The following PCDHGA12 variants were observed in gnomAD, a reference collection of about 807,000 sequenced individuals.
The protein encoded by PCDHGA12 is protocadherin gamma subfamily A, 12.
Under a neutral mutation model 61.1 loss-of-function variants are expected in PCDHGA12, and 43 were observed. That is an observed-to-expected ratio of 0.70 (90% CI 0.55 to 0.91). The LOEUF (loss-of-function observed/expected upper bound fraction) is 0.91, where lower values mean the gene tolerates loss of function less well. PCDHGA12 is among the 40% of genes least tolerant of loss of function. PCDHGA12 has a pLI of 0.00. For synonymous variants in PCDHGA12, 520 were observed against 542.9 expected, an observed-to-expected ratio of 0.96 and a Z score of 0.59; for missense variants, 1,236 against 1,227.7, an observed-to-expected ratio of 1.01 and a Z score of -0.10.
chr5:141,447,389 C>T (rs1467715872), intron 1 of PCDHGA12, among the ~76,000 whole-genome samples: 1 of 152,150 alleles, frequency 6.6e-6, no homozygotes, highest in African/African-American at 2.4e-5. Context: ...CTGCCCACCT[C>T]GGCCTCCCAA....
intron 3 of PCDHGA12, among the ~76,000 whole-genome samples, chr5:141,509,068 G>A (rs1267011061): frequency 6.6e-6 from 1 of 152,144 alleles, no homozygotes; most frequent in Non-Finnish European, 1.5e-5. Flanking sequence ...TCTCAGCTCC[G>A]GGGATTTGCG....
intron 1 of PCDHGA12, among the ~76,000 whole-genome samples, chr5:141,438,793 C>T (rs982191766): frequency 2.7e-5 from 4 of 149,544 alleles, no homozygotes; most frequent in African/African-American, 7.4e-5. Context: ...TCTCCAGTAG[C>T]TGGGATTACA....
chr5:141,462,388 C>T (rs529638718), intron 1 of PCDHGA12, among the ~76,000 whole-genome samples: 86 of 152,204 alleles, frequency 5.7e-4, no homozygotes, highest in Non-Finnish European at 9.4e-4. Context: ...AATTCGTTAA[C>T]ATTTCTTTTA....
Position 141,440,827 on chromosome 5 carries a change from A to G in PCDHGA12, c.2424+7644A>G, listed in dbSNP as rs570022849. 7 of 152,196 alleles carry G rather than the reference A, an allele frequency of 4.6e-5. 1 individual carries two copies. The highest frequency in any genetic ancestry group is 1.4e-4 in the African/African-American group (6 of 41,526). 9.4% of individuals were successfully genotyped at this position (152,196 alleles called of 1,614,324 possible). A position where few individuals can be genotyped will look rare whatever the true frequency, so the allele number is the denominator to read the frequency against. ...GCAGCATCACTCAACTCCTGATCCT[A>G]TTGGTTGAAGCCAATGACAACCCTG... On this transcript the variant is annotated intron_variant, in intron 1 of 3. Transcript: ENST00000252085.
rs1184232947 is a variant in PCDHGA12 at position 141,487,060 on chromosome 5, G to T, written c.2425-7747G>T. ...TCTCTCGATATGCTGGGGAGGTGCG[G>T]ACGGCTGTTCCTATCCCAGCTGACC... On this transcript the variant is annotated intron_variant, in intron 1 of 3. Transcript: ENST00000252085. This position sits in a 1 kb window ranked among gnomAD's most constrained non-coding sequence, Gnocchi z 5.0. The T allele has an allele frequency of 1.9e-6, 3 of 1,614,182 alleles. No individual in the cohort carries two copies. In the East Asian group the frequency reaches 6.7e-5, roughly 36 times the overall value.
In PCDHGA12 at chr5:141,511,007, G is replaced by C. The variant is rs780918754; in HGVS notation, c.2633G>C (p.Arg878Pro). Residue 878 changes from arginine to proline, a missense_variant, in exon 4 of 4, where the codon CGC (arginine) becomes CCC (proline). Physicochemically the swap from Arg to Pro is moderately radical, Grantham distance 103. Coordinates refer to ENST00000252085, the MANE Select transcript of PCDHGA12 (RefSeq NM_003735.3). Reference protein sequence around the residue: ...GGAGTMGLSARYGPQFTLQHV... With the variant: ...GGAGTMGLSAPYGPQFTLQHV... ...GCCGGCACCATGGGATTGAGCGCCC[G>C]CTACGGACCCCAGTTCACCCTGCAG... The C allele has an allele frequency of 1.9e-6, 3 of 1,614,042 alleles. No homozygotes were observed. The highest frequency in any genetic ancestry group is 2.7e-5 in the African/African-American group (2 of 74,910).
At chr5:141,440,770 G>A (rs2098199385) in intron 1 of PCDHGA12, 1 of 152,176 alleles carries the variant, frequency 6.6e-6, no homozygotes, top group African/African-American at 2.4e-5. Flanking sequence ...CCATCCCTTA[G>A]TGCTAGCAGC....
intron 1 of PCDHGA12, among the ~76,000 whole-genome samples, chr5:141,456,808 C>CA (rs1316636483): frequency 6.6e-5 from 10 of 151,878 alleles, no homozygotes; most frequent in Admixed American, 6.6e-4. Flanking sequence ...ACTAAAAATA[C>CA]AAAAAATTAG....
At chr5:141,445,805 A>G (rs2098478274) in intron 1 of PCDHGA12, among the ~76,000 whole-genome samples, 2 of 152,236 alleles carry the variant, frequency 1.3e-5, no homozygotes, top group South Asian at 4.1e-4. Flanking sequence ...GAAAATAAAT[A>G]GATGAAACTA....
chr5:141,504,937 G>A (rs1350441435), intron 2 of PCDHGA12, among the ~76,000 whole-genome samples: 2 of 152,054 alleles, frequency 1.3e-5, no homozygotes, highest in East Asian at 1.9e-4. Context: ...GGTGGGTGGG[G>A]GAATGCACTA....
At position 141,431,387 on chromosome 5, in the gene PCDHGA12, C is replaced by T; in HGVS notation, c.628C>T (p.Leu210=). The T allele has an allele frequency of 1.9e-6, 3 of 1,613,938 alleles. 1 individual carries two copies. The South Asian group carries it at 3.3e-5, about 18-fold the overall frequency. The part of the protein sequence containing the change: ...LDREEKAAHH[L]VLTASDGGDP... Reference sequence around the variant, plus strand: ...CCGCGAAGAAAAGGCTGCTCACCACCTGGTCCTTACGGCCTCCGACGGGGG... The same window carrying T: ...CCGCGAAGAAAAGGCTGCTCACCACTTGGTCCTTACGGCCTCCGACGGGGG... The change falls in exon 1 of 4, where the codon CTG becomes TTG. Residue 210 remains leucine (L), a synonymous_variant. Coordinates refer to ENST00000252085, the MANE Select transcript of PCDHGA12 (RefSeq NM_003735.3). This position sits in a 1 kb window ranked among gnomAD's most constrained non-coding sequence, Gnocchi z 4.8.
intron 1 of PCDHGA12, chr5:141,478,825 T>G: frequency 1.4e-6 from 2 of 1,441,878 alleles, no homozygotes; most frequent in East Asian, 5.0e-5. Context: ...TAACCAATCT[T>G]GCTAAGGGAT....
intron 1 of PCDHGA12, among the ~76,000 whole-genome samples, chr5:141,462,763 G>A (rs935087747): frequency 2.6e-5 from 4 of 152,036 alleles, no homozygotes; most frequent in Non-Finnish European, 4.4e-5. Context: ...TTTTCTTCCT[G>A]GCTTGGGGTC....
Position 141,432,016 on chromosome 5 carries a change from C to T in PCDHGA12, c.1257C>T (p.Asn419=), listed in dbSNP as rs771650925. The T allele has an allele frequency of 1.2e-6, 2 of 1,614,202 alleles. No homozygotes were observed. The highest frequency in any genetic ancestry group is 3.3e-5 in the Admixed American group (2 of 60,030). Residue 419 remains asparagine (N), a synonymous_variant, in exon 1 of 4, where the codon AAC becomes AAT. Coordinates refer to ENST00000252085, the MANE Select transcript of PCDHGA12 (RefSeq NM_003735.3). This position sits in a 1 kb window ranked among gnomAD's most constrained non-coding sequence, Gnocchi z 6.0. ...VLDREQVPSY[N]ITVTATDRGT... ...ATAGGGAACAGGTTCCTAGCTACAA[C>T]ATCACAGTGACCGCCACTGACCGGG...
At chr5:141,448,573 A>AT (rs976781630) in intron 1 of PCDHGA12, among the ~76,000 whole-genome samples, 10 of 151,772 alleles carry the variant, frequency 6.6e-5, no homozygotes, top group East Asian at 5.8e-4. Flanking sequence ...TTATTTCCCC[A>AT]TTTTTTTTAC....
Position 141,436,164 on chromosome 5 carries a change from A to G in PCDHGA12, c.2424+2981A>G, listed in dbSNP as rs896845015. Among the ~76,000 whole-genome samples, 8 of 152,188 alleles carry G rather than the reference A, an allele frequency of 5.3e-5. No homozygotes were observed. The East Asian group carries it at 1.3e-3, about 26-fold the overall frequency. ...AACTACCAAAATGTTTATCATATGG[A>G]CAGTTCTCATATATAGTCAAATAGA... On this transcript the variant is annotated intron_variant, in intron 1 of 3. Transcript: ENST00000252085.
rs2154594699 is a variant in PCDHGA12 at position 141,512,507 on chromosome 5, C to T, written c.*1334C>T. 6.5e-6 allele frequency: 1 copy of T among 153,048 alleles called. No individual in the cohort carries two copies. Among genetic ancestry groups the T allele is most frequent in the South Asian group, 2.1e-4 (1 of 4,836 alleles). 9.5% of individuals were successfully genotyped at this position (153,048 alleles called of 1,614,324 possible). ...CACTGCCCAGGTCCCCAGTGCGCCCCCTAGTGGCCATAGCCTGGTTAAAGT... is the reference window on the plus strand; with the variant it reads ...CACTGCCCAGGTCCCCAGTGCGCCCTCTAGTGGCCATAGCCTGGTTAAAGT... On this transcript the variant is annotated 3_prime_UTR_variant, in exon 4 of 4. Transcript: ENST00000252085.
At chr5:141,447,613 A>G (rs1169186870) in intron 1 of PCDHGA12, among the ~76,000 whole-genome samples, 1 of 152,186 alleles carries the variant, frequency 6.6e-6, no homozygotes, top group Admixed American at 6.5e-5. Context: ...TTAGCATTTT[A>G]AAGTTGAAAC....
chr5:141,438,998 C>A (rs932958148), intron 1 of PCDHGA12, among the ~76,000 whole-genome samples: 7 of 151,836 alleles, frequency 4.6e-5, no homozygotes, highest in Non-Finnish European at 1.0e-4. Flanking sequence ...GGCTAAGGAC[C>A]TGGTTTGTTT....
Sources: gnomAD v4.1 joint callset for allele counts (sites outside exome capture counted in the v4.1 genomes callset) on GRCh38, gnomAD v4.1.1 for gene constraint, Gnocchi (gnomAD v3.1) non-coding constraint, MANE v1.5 for transcripts, NCBI Gene and HGNC (gene_info 2026-07-23, HGNC 2026-07-21) for gene names.